The following DPYD variants were observed in gnomAD, a reference collection of about 807,000 sequenced individuals.
The protein encoded by DPYD is dihydropyrimidine dehydrogenase.
DPYD carries 109 observed loss-of-function variants against 116.2 expected under a neutral mutation model. The ratio of observed to expected loss-of-function variants is 0.94; its 90% CI spans 0.80 to 1.10. DPYD has a LOEUF of 1.10. Ranked by LOEUF, DPYD falls within the 50% of genes least tolerant of loss-of-function variation. The pLI is 0.00. For synonymous variants in DPYD, 440 were observed against 432.0 expected (o/e 1.02, Z -0.23); for missense variants, 1,302 against 1,254.5 (o/e 1.04, Z -0.57).
At chr1:97,559,639 C>G (rs7522200) in intron 11 of DPYD, among the ~76,000 whole-genome samples, 2 of 151,440 alleles carry the variant, frequency 1.3e-5, no homozygotes, top group Admixed American at 1.3e-4. Context: ...ATCCATCTTA[C>G]GGCTTTTTTT....
intron 3 of DPYD, among the ~76,000 whole-genome samples, chr1:97,808,120 T>G (rs918549478): frequency 6.6e-6 from 1 of 152,126 alleles, no homozygotes; most frequent in Non-Finnish European, 1.5e-5. Flanking sequence ...TATATAAGGT[T>G]TGGAATCATT....
chr1:97,859,888 C>T (rs1671034990), intron 2 of DPYD, among the ~76,000 whole-genome samples: 1 of 152,092 alleles, frequency 6.6e-6, no homozygotes, highest in Non-Finnish European at 1.5e-5. Flanking sequence ...AATTTTTCCT[C>T]AGATTTTCAT....
At chr1:97,210,924 T>C (rs1269534062) in intron 19 of DPYD, among the ~76,000 whole-genome samples, 1 of 152,182 alleles carries the variant, frequency 6.6e-6, no homozygotes, top group Non-Finnish European at 1.5e-5. Context: ...AATCTATTTG[T>C]TGCCATAACC....
At chr1:97,184,383 A>G (rs981172609) in intron 20 of DPYD, among the ~76,000 whole-genome samples, 3 of 152,078 alleles carry the variant, frequency 2.0e-5, no homozygotes, top group African/African-American at 7.2e-5. Context: ...ACTTCCATTG[A>G]CAGTGTACAA....
intron 19 of DPYD, among the ~76,000 whole-genome samples, chr1:97,194,352 TCTC>T (rs1373278133): frequency 1.3e-5 from 2 of 152,056 alleles, no homozygotes; most frequent in Non-Finnish European, 2.9e-5. Flanking sequence ...CCTTTGCACT[TCTC>T]CTTCCTACCA....
At chr1:97,618,681 G>T (rs1289810507) in intron 8 of DPYD, among the ~76,000 whole-genome samples, 1 of 152,150 alleles carries the variant, frequency 6.6e-6, no homozygotes, top group Admixed American at 6.5e-5. Context: ...TGCTATAGAT[G>T]ACACAGAATT....
At chr1:97,348,623 G>A (rs1290161195) in intron 16 of DPYD, among the ~76,000 whole-genome samples, 1 of 152,136 alleles carries the variant, frequency 6.6e-6, no homozygotes, top group Non-Finnish European at 1.5e-5. Flanking sequence ...CTGAACAGCA[G>A]AATTGCCTGG....
chr1:97,772,739 A>G (rs1666208347), intron 3 of DPYD, among the ~76,000 whole-genome samples: 1 of 152,242 alleles, frequency 6.6e-6, no homozygotes, highest in Non-Finnish European at 1.5e-5. Context: ...TGGAGAATCT[A>G]GCATAACAAC....
intron 18 of DPYD, among the ~76,000 whole-genome samples, chr1:97,254,030 G>T (rs1241874691): frequency 3.9e-5 from 6 of 152,006 alleles, no homozygotes; most frequent in African/African-American, 1.4e-4. Flanking sequence ...ACTCTATTAA[G>T]GCTTTTATTA....
intron 16 of DPYD, among the ~76,000 whole-genome samples, chr1:97,329,824 C>T (rs957665202): frequency 6.9e-6 from 1 of 145,786 alleles, no homozygotes; most frequent in African/African-American, 2.6e-5. Context: ...AATGTCTTAC[C>T]CTATGTTTGA....
At chr1:97,908,084 T>G (rs1236030178) in intron 1 of DPYD, among the ~76,000 whole-genome samples, 1 of 152,046 alleles carries the variant, frequency 6.6e-6, no homozygotes, top group Non-Finnish European at 1.5e-5. Flanking sequence ...GTCACTCTGT[T>G]GCCCAAGCTG....
intron 8 of DPYD, among the ~76,000 whole-genome samples, chr1:97,672,750 A>G (rs1659936483): frequency 6.6e-6 from 1 of 152,170 alleles, no homozygotes; most frequent in South Asian, 2.1e-4. Flanking sequence ...ATTAAGAATA[A>G]CTTTTATAGA....
At chr1:97,780,626 G>A (rs1056736292) in intron 3 of DPYD, among the ~76,000 whole-genome samples, 4 of 152,170 alleles carry the variant, frequency 2.6e-5, no homozygotes, top group Admixed American at 6.5e-5. Flanking sequence ...TGCAACAGCT[G>A]TCAACTCAGA....
chr1:97,366,301 T>TA (rs1671037294), intron 16 of DPYD, among the ~76,000 whole-genome samples: 1 of 152,186 alleles, frequency 6.6e-6, no homozygotes, highest in African/African-American at 2.4e-5. Flanking sequence ...AGATAGTTTT[T>TA]CTCATAAACA....
At chr1:97,613,553 T>G (rs1188455379) in intron 8 of DPYD, among the ~76,000 whole-genome samples, 3 of 152,016 alleles carry the variant, frequency 2.0e-5, no homozygotes, top group Non-Finnish European at 2.9e-5. Context: ...GGTGAGACTT[T>G]CCGAAACACC....
At chr1:97,507,634 T>C (rs913963810) in intron 13 of DPYD, among the ~76,000 whole-genome samples, 4 of 152,146 alleles carry the variant, frequency 2.6e-5, no homozygotes, top group Admixed American at 1.3e-4. Context: ...GGCTCTAAAA[T>C]ATTATTACAT....
intron 8 of DPYD, among the ~76,000 whole-genome samples, chr1:97,661,563 C>T (rs1033679806): frequency 5.9e-5 from 9 of 151,914 alleles, no homozygotes; most frequent in South Asian, 2.1e-4. Context: ...ACATATACTA[C>T]GCTTTGATAA....
At chr1:97,404,427 T>C (rs193056748) in intron 14 of DPYD, among the ~76,000 whole-genome samples, 1 of 152,218 alleles carries the variant, frequency 6.6e-6, no homozygotes, top group Admixed American at 6.5e-5. Context: ...TACTTGTCTT[T>C]GCTGTTCTAT....
intron 16 of DPYD, among the ~76,000 whole-genome samples, chr1:97,352,563 T>TA (rs71747807): frequency 0.11 from 14,862 of 136,616 alleles, 903 homozygotes; most frequent in East Asian, 0.19. Flanking sequence ...CCTGAAATAG[T>TA]AAAAAAAAAA....
Sources: gnomAD v4.1 joint callset for allele counts (sites outside exome capture counted in the v4.1 genomes callset) on GRCh38, gnomAD v4.1.1 for gene constraint, MANE v1.5 for transcripts, NCBI Gene and HGNC (gene_info 2026-07-23, HGNC 2026-07-21) for gene names.